The following DYRK1A variants were observed in gnomAD, a reference collection of about 807,000 sequenced individuals.
DYRK1A encodes the protein dual specificity tyrosine phosphorylation regulated kinase 1A.
DYRK1A carries 9 observed loss-of-function variants against 79.7 expected under a neutral mutation model. The observed-to-expected ratio is 0.11, with a 90% CI of 0.07 to 0.20. The LOEUF (loss-of-function observed/expected upper bound fraction) is 0.20, where lower values mean the gene tolerates loss of function less well. Ranked by LOEUF, DYRK1A falls within the 10% of genes least tolerant of loss-of-function variation. The probability of loss-of-function intolerance (pLI) is 1.00; values close to 1 mark genes in which losing one functional copy is unlikely to be tolerated. For missense variants in DYRK1A, 622 were observed against 956.0 expected (o/e 0.65, Z 4.61); for synonymous variants, 349 against 329.7 (o/e 1.06, Z -0.63).
Position 37,506,205 on chromosome 21 carries a change from C to T in DYRK1A, c.1626C>T (p.Cys542=), listed in dbSNP as rs376106351. The T allele has an allele frequency of 8.7e-6, 14 of 1,613,940 alleles. No individual in the cohort carries two copies. In the Admixed American group the frequency reaches 1.3e-4, roughly 15 times the overall value. ...HFTAAVQAMD[C]ETHSPQVRQQ... ...CAGCTGCCGTGCAGGCCATGGACTGCGAGACACACAGTCCCCAGGTGAGCT... is the reference window on the plus strand; with the variant it reads ...CAGCTGCCGTGCAGGCCATGGACTGTGAGACACACAGTCCCCAGGTGAGCT... Residue 542 remains cysteine, a synonymous_variant, in exon 11 of 12, where the codon TGC becomes TGT. Transcript: ENST00000647188.
At chr21:37,469,001 A>G (rs762085879) in intron 2 of DYRK1A, among the ~76,000 whole-genome samples, 4 of 152,250 alleles carry the variant, frequency 2.6e-5, no homozygotes, top group Non-Finnish European at 5.9e-5. Context: ...TAGAAAAAAT[A>G]GAAAAGCAAC....
chr21:37,372,661 A>G (rs537914271), intron 1 of DYRK1A, among the ~76,000 whole-genome samples: 22 of 152,258 alleles, frequency 1.4e-4, no homozygotes, highest in African/African-American at 5.1e-4. Flanking sequence ...CAGTTCCCTC[A>G]TCTGTAAAAT....
chr21:37,467,674 G>A (rs917973687), intron 2 of DYRK1A, among the ~76,000 whole-genome samples: 1 of 152,214 alleles, frequency 6.6e-6, no homozygotes. Flanking sequence ...AAAGGTCTTA[G>A]AAAACTAGCA....
chr21:37,406,258 A>G (rs558868230), intron 1 of DYRK1A, among the ~76,000 whole-genome samples: 3 of 152,328 alleles, frequency 2.0e-5, no homozygotes, highest in East Asian at 3.9e-4. Flanking sequence ...GTTAATTTTT[A>G]GTTAACCAGA....
intron 2 of DYRK1A, among the ~76,000 whole-genome samples, chr21:37,421,527 A>G (rs1037684792): frequency 2.0e-5 from 3 of 152,130 alleles, no homozygotes; most frequent in African/African-American, 2.4e-5. Context: ...TGATTGAGCA[A>G]TCATCTCTGT....
chr21:37,381,613 G>A (rs2049659772), intron 1 of DYRK1A, among the ~76,000 whole-genome samples: 1 of 152,182 alleles, frequency 6.6e-6, no homozygotes, highest in African/African-American at 2.4e-5. Flanking sequence ...GGCATTTGTA[G>A]TAGCTTTCAG....
intron 1 of DYRK1A, among the ~76,000 whole-genome samples, chr21:37,398,467 A>G (rs1164158866): frequency 1.3e-5 from 2 of 152,206 alleles, no homozygotes; most frequent in Non-Finnish European, 2.9e-5. Context: ...ATAAACTGGG[A>G]AATAATAGGT....
At chr21:37,480,429 A>G (rs1338854903) in intron 4 of DYRK1A, among the ~76,000 whole-genome samples, 1 of 152,352 alleles carries the variant, frequency 6.6e-6, no homozygotes, top group African/African-American at 2.4e-5. Context: ...TACTTTGGAC[A>G]AGTCACTTAA....
intron 6 of DYRK1A, chr21:37,487,389 A>G (rs2052909446): frequency 6.6e-6 from 1 of 152,168 alleles, no homozygotes; most frequent in African/African-American, 2.4e-5. Context: ...GCCATTTGAT[A>G]CATGGGCAAA....
At chr21:37,485,628 A>G (rs1439930527) in intron 5 of DYRK1A, among the ~76,000 whole-genome samples, 1 of 152,214 alleles carries the variant, frequency 6.6e-6, no homozygotes, top group African/African-American at 2.4e-5. Flanking sequence ...TATTCAGACA[A>G]TGTATAATAT....
At chr21:37,506,297 C>T (rs1277307964) in intron 11 of DYRK1A, 74 bp downstream of exon 11, 1 of 1,612,270 alleles carries the variant, frequency 6.2e-7, no homozygotes, top group Admixed American at 1.7e-5. Flanking sequence ...TGCCAGGTGC[C>T]TTTAGAATGA....
At chr21:37,463,196 G>T (rs1283634339) in intron 2 of DYRK1A, among the ~76,000 whole-genome samples, 2 of 123,534 alleles carry the variant, frequency 1.6e-5, no homozygotes, top group East Asian at 4.9e-4. Context: ...TGTGTTTAAT[G>T]TTGGCACGTG....
chr21:37,441,782 C>T (rs1044716801), intron 2 of DYRK1A, among the ~76,000 whole-genome samples: 2 of 152,026 alleles, frequency 1.3e-5, no homozygotes, highest in African/African-American at 4.8e-5. Flanking sequence ...AATAAGAATT[C>T]CTGTATTCTT....
At chr21:37,400,706 G>A (rs1320664608) in intron 1 of DYRK1A, among the ~76,000 whole-genome samples, 1 of 152,216 alleles carries the variant, frequency 6.6e-6, no homozygotes, top group African/African-American at 2.4e-5. Flanking sequence ...TTAAAAATGA[G>A]TCTGAGTTTA....
chr21:37,469,081 G>A (rs1042264712), intron 2 of DYRK1A, among the ~76,000 whole-genome samples: 2 of 152,178 alleles, frequency 1.3e-5, no homozygotes, highest in African/African-American at 4.8e-5. Context: ...GAGTAACTAG[G>A]AAAATGCAAA....
intron 7 of DYRK1A, among the ~76,000 whole-genome samples, chr21:37,492,740 A>G (rs1392859975): frequency 6.6e-6 from 1 of 152,106 alleles, no homozygotes; most frequent in African/African-American, 2.4e-5. Flanking sequence ...AGTGAGGCAT[A>G]ATTGTTTTAA....
At chr21:37,430,729 C>T (rs1408346331) in intron 2 of DYRK1A, among the ~76,000 whole-genome samples, 1 of 152,138 alleles carries the variant, frequency 6.6e-6, no homozygotes, top group South Asian at 2.1e-4. Flanking sequence ...GTGGTTTTGG[C>T]GTGTCTAGTC....
At chr21:37,461,958 A>G (rs1375599580) in intron 2 of DYRK1A, among the ~76,000 whole-genome samples, 2 of 148,090 alleles carry the variant, frequency 1.4e-5, no homozygotes, top group Non-Finnish European at 3.0e-5. Flanking sequence ...CTGAACTGCT[A>G]TTAGGTCCGT....
chr21:37,375,715 C>T (rs558869669), intron 1 of DYRK1A, among the ~76,000 whole-genome samples: 3 of 151,634 alleles, frequency 2.0e-5, no homozygotes, highest in South Asian at 4.2e-4. Flanking sequence ...TTAGTAGAGA[C>T]GGGATTTCAC....
Sources: allele counts gnomAD v4.1 joint callset (sites outside exome capture counted in the v4.1 genomes callset), GRCh38; gene constraint gnomAD v4.1.1; transcripts MANE v1.5; gene names NCBI Gene and HGNC (gene_info 2026-07-23, HGNC 2026-07-21).